NPR3: variants seen among roughly 807,000 people sequenced by gnomAD.
NPR3 encodes atrial natriuretic peptide receptor 3.
A neutral mutation model predicts 54.5 loss-of-function variants in NPR3; 34 were observed. The observed-to-expected ratio is 0.62, with a 90% confidence interval of 0.47 to 0.83. NPR3 has a LOEUF of 0.83. Ranked by LOEUF, NPR3 falls within the 40% of genes least tolerant of loss-of-function variation. The probability of loss-of-function intolerance (pLI) is 0.00; values close to 1 mark genes in which losing one functional copy is unlikely to be tolerated. For missense variants in NPR3, 674 were observed against 720.8 expected (o/e 0.94, Z 0.74); for synonymous variants, 289 against 297.1 (o/e 0.97, Z 0.28).
chr5:32,784,635 AT>A lies in NPR3; in HGVS notation c.1427-160del, dbSNP rs537093381. 2.6e-5 allele frequency among the ~76,000 whole-genome samples: 4 copies of A among 152,372 alleles called. No homozygotes were observed. In the East Asian group the frequency reaches 7.7e-4, roughly 29 times the overall value. On this transcript the variant is annotated intron_variant, in intron 6 of 7. Transcript: ENST00000265074. ...TGGGCAAAAACAAACAAACAAAAAC[AT>A]AAAACAAAAAACAAGTGTAGGGTCC... is the stretch of plus-strand genomic sequence containing the variant.
At chr5:32,757,458 G>A (rs1308154131) in intron 3 of NPR3, among the ~76,000 whole-genome samples, 2 of 152,186 alleles carry the variant, frequency 1.3e-5, no homozygotes, top group African/African-American at 4.8e-5. Context: ...TTTGTATCCT[G>A]AGACTTTGCT....
intron 2 of NPR3, among the ~76,000 whole-genome samples, chr5:32,727,945 T>C (rs1334127432): frequency 6.6e-6 from 1 of 152,230 alleles, no homozygotes; most frequent in Non-Finnish European, 1.5e-5. Context: ...TATCCTTTTA[T>C]TCCTAGTTTA....
upstream of NPR3, among the ~76,000 whole-genome samples, chr5:32,705,370 G>A (rs538247573): frequency 6.6e-5 from 10 of 152,314 alleles, no homozygotes; most frequent in Middle Eastern, 3.4e-3. Flanking sequence ...CTGCTATAAA[G>A]AAATACCTGA....
intron 2 of NPR3, among the ~76,000 whole-genome samples, chr5:32,729,215 G>C (rs1331060236): frequency 6.6e-6 from 1 of 151,632 alleles, no homozygotes; most frequent in Admixed American, 6.6e-5. Flanking sequence ...ATTTTTAGTA[G>C]AGTCGGGGTT....
At chr5:32,746,070 G>A (rs764106874) in intron 3 of NPR3, among the ~76,000 whole-genome samples, 10 of 152,292 alleles carry the variant, frequency 6.6e-5, no homozygotes, top group Middle Eastern at 3.4e-3. Context: ...CTGACACGCT[G>A]GTGATAATCA....
chr5:32,713,552 G>A (rs1451064035), intron 1 of NPR3: 4 of 842,940 alleles, frequency 4.7e-6, no homozygotes, highest in Non-Finnish European at 5.7e-6. Context: ...GCTCCCCCTT[G>A]GCGCTCACGC....
At chr5:32,766,095 G>C (rs1047804632) in intron 3 of NPR3, among the ~76,000 whole-genome samples, 1 of 152,234 alleles carries the variant, frequency 6.6e-6, no homozygotes, top group Non-Finnish European at 1.5e-5. Flanking sequence ...GGAAGCCAGA[G>C]GATGGCGGGG....
chr5:32,723,641 A>C (rs1023220430), intron 1 of NPR3, among the ~76,000 whole-genome samples: 1 of 152,186 alleles, frequency 6.6e-6, no homozygotes, highest in Non-Finnish European at 1.5e-5. Context: ...AATTTTCACT[A>C]TCTTATATCC....
In NPR3 at chr5:32,738,992, A is replaced by G; in HGVS notation, c.1021A>G (p.Ser341Gly). 5.6e-6 allele frequency: 9 copies of G among 1,613,956 alleles called. No homozygotes were observed. The highest frequency in any genetic ancestry group is 7.6e-6 in the Non-Finnish European group (9 of 1,179,866). The change falls in exon 3 of 8, where the codon AGT becomes GGT. Residue 341 changes from serine (S) to glycine (G), a missense_variant. Ser to Gly is a moderately conservative substitution (Grantham distance 56, BLOSUM62 0). Coordinates refer to ENST00000265074, the MANE Select transcript of NPR3 (RefSeq NM_001204375.2). ...EFEKFSMEVK[S>G]SVEKQGLNME... ...TGAGAAGTTTTCCATGGAGGTGAAA[A>G]GTTCAGTTGAGAAACAAGGGCTCAA...
intron 3 of NPR3, among the ~76,000 whole-genome samples, chr5:32,753,561 CT>C (rs900586854): frequency 8.9e-5 from 13 of 145,618 alleles, no homozygotes; most frequent in East Asian, 4.0e-4. Context: ...CTCAGAATTC[CT>C]TTTTTTTTTC....
At position 32,725,115 on chromosome 5, in the gene NPR3, A is replaced by T. The variant is rs1187791530; in HGVS notation, c.892+295A>T. Among the ~76,000 whole-genome samples the T allele has an allele frequency of 2.0e-5, 3 of 151,758 alleles. No individual in the cohort carries two copies. The South Asian group carries it at 6.2e-4, about 32-fold the overall frequency. On this transcript the variant is annotated intron_variant, in intron 2 of 7. Coordinates refer to ENST00000265074, the MANE Select transcript of NPR3 (RefSeq NM_001204375.2). The stretch of plus-strand genomic sequence containing the variant: ...AACATGGGAACAATAGACACTGGGG[A>T]CTTCTAGGGGTGGTGGGGGTGGGTT...
intron 4 of NPR3, among the ~76,000 whole-genome samples, chr5:32,775,099 G>T (rs1311675162): frequency 3.3e-5 from 5 of 152,166 alleles, no homozygotes; most frequent in African/African-American, 1.2e-4. Flanking sequence ...TCTTAATATT[G>T]CATTGAACAC....
chr5:32,789,466 A>G lies in NPR3; in HGVS notation c.*3121A>G, dbSNP rs775754794. 1 of 534,052 alleles carries G rather than the reference A, an allele frequency of 1.9e-6. No homozygotes were observed. The highest frequency in any genetic ancestry group is 1.4e-5 in the South Asian group (1 of 71,412). The allele number at this position is 534,052 out of a possible 1,614,324, so 33.1% of individuals were successfully genotyped here. On this transcript the variant is annotated 3_prime_UTR_variant, in exon 8 of 8. Transcript: ENST00000265074. ...CCATCAACTTGTCTTTTCTTGAACC[A>G]CAGGAATGGTTCTACAGACCCTACT...
chr5:32,772,843 T>C (rs900765268), intron 3 of NPR3, among the ~76,000 whole-genome samples: 4 of 152,136 alleles, frequency 2.6e-5, no homozygotes, highest in Admixed American at 1.3e-4. Flanking sequence ...ATTTTCCAGA[T>C]GAGGAAACCA....
At chr5:32,754,478 A>T (rs1487508621) in intron 3 of NPR3, among the ~76,000 whole-genome samples, 1 of 152,138 alleles carries the variant, frequency 6.6e-6, no homozygotes, top group Non-Finnish European at 1.5e-5. Context: ...TTTAAGTGAT[A>T]TCCTTTCTGG....
At chr5:32,770,689 T>A (rs1014333049) in intron 3 of NPR3, among the ~76,000 whole-genome samples, 5 of 152,196 alleles carry the variant, frequency 3.3e-5, no homozygotes, top group African/African-American at 1.2e-4. Context: ...TAGGTAGCAG[T>A]GGTGCTGTTT....
intron 2 of NPR3, among the ~76,000 whole-genome samples, chr5:32,737,445 G>A (rs2111940448): frequency 6.6e-6 from 1 of 152,270 alleles, no homozygotes; most frequent in South Asian, 2.1e-4. Flanking sequence ...ACTTCTTCAG[G>A]AAGAGTAGAG....
At chr5:32,776,124 T>C (rs901336979) in intron 4 of NPR3, among the ~76,000 whole-genome samples, 4 of 152,234 alleles carry the variant, frequency 2.6e-5, no homozygotes, top group Non-Finnish European at 4.4e-5. Flanking sequence ...CATATGCATT[T>C]GTATATCTTA....
rs1738287245 is a variant in NPR3 at position 32,712,239 on chromosome 5, C to G, written c.463C>G (p.Leu155Val). 2 of 1,612,752 alleles carry G rather than the reference C, an allele frequency of 1.2e-6. No homozygotes were observed. The highest frequency in any genetic ancestry group is 1.7e-6 in the Non-Finnish European group (2 of 1,179,588). Residue 155 changes from leucine (L) to valine (V), a missense_variant, in exon 1 of 8, where the codon CTG becomes GTG. Transcript: ENST00000265074. ...TGCATCGCACTGGGACCTGCCCATG[C>G]TGTCGGCTGGGGCGCTGGCCGCTGG... ...RLASHWDLPM[L>V]SAGALAAGFQ...
Sources: gnomAD v4.1 joint callset for allele counts (sites outside exome capture counted in the v4.1 genomes callset) on GRCh38, gnomAD v4.1.1 for gene constraint, MANE v1.5 for transcripts, NCBI Gene and HGNC (gene_info 2026-07-23, HGNC 2026-07-21) for gene names.